Variants in TFCP2 observed in about 807,000 individuals in gnomAD.
TFCP2 encodes alpha-globin transcription factor CP2.
In TFCP2, 33 loss-of-function variants were observed where a neutral mutation model predicts 73.4. The ratio of observed to expected loss-of-function variants is 0.45; its 90% CI spans 0.34 to 0.60. TFCP2 has a LOEUF of 0.60. TFCP2 is among the 20% of genes least tolerant of loss of function. The probability of loss-of-function intolerance (pLI) is 0.01; values close to 1 mark genes in which losing one functional copy is unlikely to be tolerated. For missense variants in TFCP2, 352 were observed against 604.0 expected, an observed-to-expected ratio of 0.58 and a Z score of 4.37; for synonymous variants, 193 against 211.6, an observed-to-expected ratio of 0.91 and a Z score of 0.76.
chr12:51,105,146 C>T (rs11169705), intron 8 of TFCP2, among the ~76,000 whole-genome samples: 5,238 of 144,430 alleles, frequency 0.036, 294 homozygotes, highest in African/African-American at 0.12. Flanking sequence ...CAGGCTGGAG[C>T]GCAGTGGCAT....
At position 51,126,489 on chromosome 12, in the gene TFCP2, C is replaced by A. The variant is rs575360498; in HGVS notation, c.123-7717G>T. Among the ~76,000 whole-genome samples, 25 of 152,232 alleles carry A rather than the reference C, an allele frequency of 1.6e-4. 1 individual carries two copies. The South Asian group carries it at 3.9e-3, about 24-fold the overall frequency. On this transcript the variant is annotated intron_variant, in intron 1 of 14. Transcript: ENST00000257915. Reference sequence around the variant, plus strand: ...ATTACCCTTTTGAGAAAAGGCAGCCCTGAATGGTCTCTAATTCATAACTGT... The same window carrying A: ...ATTACCCTTTTGAGAAAAGGCAGCCATGAATGGTCTCTAATTCATAACTGT...
chr12:51,119,467 G>A (rs1384559279), intron 1 of TFCP2, among the ~76,000 whole-genome samples: 2 of 152,308 alleles, frequency 1.3e-5, no homozygotes, highest in Non-Finnish European at 2.9e-5. Flanking sequence ...AATTAAACAT[G>A]CAGTCAGGCA....
intron 4 of TFCP2, among the ~76,000 whole-genome samples, chr12:51,113,846 C>A (rs1294921079): frequency 1.3e-5 from 2 of 152,200 alleles, no homozygotes; most frequent in East Asian, 3.9e-4. Context: ...AACTGGGTAT[C>A]CACATGCAAA....
intron 1 of TFCP2, among the ~76,000 whole-genome samples, chr12:51,126,179 G>A (rs1940812182): frequency 7.1e-6 from 1 of 141,488 alleles, no homozygotes; most frequent in Admixed American, 7.4e-5. Context: ...CTTGTAGTGA[G>A]CCGAGATTGC....
At chr12:51,135,480 GT>G (rs1941043625) in intron 1 of TFCP2, among the ~76,000 whole-genome samples, 1 of 152,008 alleles carries the variant, frequency 6.6e-6, no homozygotes, top group African/African-American at 2.4e-5. Flanking sequence ...AAGTCAGAAA[GT>G]ATTTAGAAAT....
At chr12:51,120,929 A>AAAG (rs398019544) in intron 1 of TFCP2, among the ~76,000 whole-genome samples, 1 of 149,960 alleles carries the variant, frequency 6.7e-6, no homozygotes, top group South Asian at 2.1e-4. Flanking sequence ...AAAAAAAAAA[A>AAAG]GGTAAAAAGA....
Position 51,172,609 on chromosome 12 carries a change from G to T in TFCP2, c.-187C>A. On this transcript the variant is annotated 5_prime_UTR_variant, in exon 1 of 15. Coordinates refer to ENST00000257915, the MANE Select transcript of TFCP2 (RefSeq NM_005653.5). The stretch of plus-strand genomic sequence containing the variant: ...CAACTAATCTCCCGTACCCTTGGCT[G>T]CTCGTTCTTGGCTGCCCCAGGTTCC... 1.4e-6 allele frequency: 1 copy of T among 706,234 alleles called. No individual in the cohort carries two copies. Among genetic ancestry groups the T allele is most frequent in the Non-Finnish European group, 2.2e-6 (1 of 450,446 alleles). 43.7% of individuals were successfully genotyped at this position (706,234 alleles called of 1,614,324 possible). A position where few individuals can be genotyped will look rare whatever the true frequency, so the allele number is the denominator to read the frequency against.
At chr12:51,102,721 T>C (rs1367714232) in intron 10 of TFCP2, among the ~76,000 whole-genome samples, 1 of 152,102 alleles carries the variant, frequency 6.6e-6, no homozygotes, top group East Asian at 1.9e-4. Context: ...AGACTCCGTC[T>C]CAAAAAATAA....
chr12:51,107,466 A>G (rs1566202413), intron 6 of TFCP2, 120 bp from the exon 7 acceptor site: 1 of 738,642 alleles, frequency 1.4e-6, no homozygotes, highest in Non-Finnish European at 2.3e-6. Flanking sequence ...ATGTAAAGGC[A>G]AGACACATCA....
In TFCP2 at chr12:51,106,510, A is replaced by C. The variant is rs764501368; in HGVS notation, c.917+15T>G. On this transcript the variant is annotated intron_variant, in intron 8 of 14. Coordinates refer to ENST00000257915, the MANE Select transcript of TFCP2 (RefSeq NM_005653.5). ...TTTTGGACAAATATAAGCCAATTTT[A>C]TTTCCCAGACTTACCCTTCCCCAAG... The C allele has an allele frequency of 3.1e-6, 5 of 1,594,942 alleles. No individual in the cohort carries two copies. The highest frequency in any genetic ancestry group is 1.8e-5 in the Admixed American group (1 of 55,950).
At chr12:51,101,075 G>A (rs970187381) in intron 11 of TFCP2, among the ~76,000 whole-genome samples, 1 of 152,274 alleles carries the variant, frequency 6.6e-6, no homozygotes, top group Non-Finnish European at 1.5e-5. Flanking sequence ...AGGCCAAGGC[G>A]GGTGGATCAC....
chr12:51,138,903 G>A (rs7952793), intron 1 of TFCP2, among the ~76,000 whole-genome samples: 1,917 of 152,226 alleles, frequency 0.013, 10 homozygotes, highest in Non-Finnish European at 0.019. Context: ...CTCCCAAAGT[G>A]CTGGGATTAC....
chr12:51,108,272 T>G (rs1592793444), intron 6 of TFCP2, among the ~76,000 whole-genome samples: 2 of 145,142 alleles, frequency 1.4e-5, no homozygotes, highest in Non-Finnish European at 1.5e-5. Flanking sequence ...GGTGACAGAG[T>G]GAAACTCCGA....
rs530355345 is a variant in TFCP2, at chr12:51,127,034, T to C, written c.123-8262A>G. ...AATCTCATTCAACTAAAAAGCAGCA[T>C]ATATGATTTTTAAAATTTGCCTTGC... On this transcript the variant is annotated intron_variant, in intron 1 of 14. Coordinates refer to ENST00000257915, the MANE Select transcript of TFCP2 (RefSeq NM_005653.5). Among the ~76,000 whole-genome samples, 11 of 152,314 alleles carry C rather than the reference T, an allele frequency of 7.2e-5. No individual in the cohort carries two copies. The East Asian group carries it at 2.1e-3, about 29-fold the overall frequency.
At chr12:51,156,013 G>A (rs1323083804) in intron 1 of TFCP2, among the ~76,000 whole-genome samples, 5 of 148,884 alleles carry the variant, frequency 3.4e-5, no homozygotes, top group African/African-American at 1.2e-4. Flanking sequence ...CTGCACTCCA[G>A]CCTCAGTGAT....
intron 1 of TFCP2, among the ~76,000 whole-genome samples, chr12:51,157,718 G>A (rs540721702): frequency 2.1e-4 from 22 of 104,900 alleles, no homozygotes; most frequent in Non-Finnish European, 3.2e-4. Flanking sequence ...ACAGAGTCTC[G>A]CTCTATTGCC....
At chr12:51,106,892 G>A in intron 7 of TFCP2, 1 of 491,238 alleles carries the variant, frequency 2.0e-6, no homozygotes, top group South Asian at 2.3e-5. Flanking sequence ...GCAGCACACA[G>A]CTCTTCCTAA....
At chr12:51,115,342 G>A (rs1185542658) in intron 4 of TFCP2, among the ~76,000 whole-genome samples, 1 of 151,996 alleles carries the variant, frequency 6.6e-6, no homozygotes, top group Non-Finnish European at 1.5e-5. Flanking sequence ...GGATGGTCTC[G>A]ATTTCCTGAC....
chr12:51,106,031 A>G (rs1940229771), intron 8 of TFCP2, among the ~76,000 whole-genome samples: 1 of 152,206 alleles, frequency 6.6e-6, no homozygotes, highest in African/African-American at 2.4e-5. Flanking sequence ...CCAAAACTTC[A>G]TTTTAGCCAT....
Sources: allele counts gnomAD v4.1 joint callset (sites outside exome capture counted in the v4.1 genomes callset), GRCh38; gene constraint gnomAD v4.1.1; transcripts MANE v1.5; gene names NCBI Gene and HGNC (gene_info 2026-07-23, HGNC 2026-07-21).